The following SLC4A4 variants were observed in gnomAD, a reference collection of about 807,000 sequenced individuals.
The protein encoded by SLC4A4 is electrogenic sodium bicarbonate cotransporter 1.
SLC4A4 carries 27 observed loss-of-function variants against 111.5 expected under a neutral mutation model. The ratio of observed to expected loss-of-function variants is 0.24; its 90% CI spans 0.18 to 0.33. The LOEUF (loss-of-function observed/expected upper bound fraction) is 0.33, where lower values mean the gene tolerates loss of function less well. Ranked by LOEUF, SLC4A4 falls within the 10% of genes least tolerant of loss-of-function variation. The pLI is 1.00. For missense variants in SLC4A4, 909 were observed against 1,315.5 expected (o/e 0.69, Z 4.78); for synonymous variants, 443 against 463.4 (o/e 0.96, Z 0.57).
At chr4:71,339,106 T>C (rs1056656277) in intron 3 of SLC4A4, 88 of 1,603,328 alleles carry the variant, frequency 5.5e-5, no homozygotes, top group Non-Finnish European at 6.8e-5. Context: ...AAAGGTTCTT[T>C]GTGACACATC....
chr4:71,181,452 T>G (rs1345850382), intron 2 of SLC4A4, among the ~76,000 whole-genome samples: 2 of 152,180 alleles, frequency 1.3e-5, no homozygotes, highest in Admixed American at 6.5e-5. Flanking sequence ...AAGCAAATAG[T>G]GCTTTTAATT....
At chr4:71,294,916 A>G (rs549138527) in intron 3 of SLC4A4, among the ~76,000 whole-genome samples, 2 of 152,348 alleles carry the variant, frequency 1.3e-5, no homozygotes, top group African/African-American at 2.4e-5. Flanking sequence ...GTTTTTTCCT[A>G]TGACAAAAAT....
chr4:71,292,730 G>GA (rs1413327685), intron 3 of SLC4A4, among the ~76,000 whole-genome samples: 1 of 150,270 alleles, frequency 6.7e-6, no homozygotes, highest in Non-Finnish European at 1.5e-5. Context: ...AAATAGGCGG[G>GA]AAAAAATGAG....
At chr4:71,097,102 A>G (rs1742580154) in intron 2 of SLC4A4, among the ~76,000 whole-genome samples, 1 of 152,148 alleles carries the variant, frequency 6.6e-6, no homozygotes, top group African/African-American at 2.4e-5. Context: ...GGTTTTTTGT[A>G]CAGATTATTT....
At chr4:71,287,548 A>G (rs1369203788) in intron 3 of SLC4A4, among the ~76,000 whole-genome samples, 1 of 152,198 alleles carries the variant, frequency 6.6e-6, no homozygotes, top group African/African-American at 2.4e-5. Flanking sequence ...TGCCTTTGGC[A>G]GTATAGTCTT....
chr4:71,467,462 T>A (rs964803042), intron 13 of SLC4A4, among the ~76,000 whole-genome samples: 2 of 152,120 alleles, frequency 1.3e-5, no homozygotes, highest in Admixed American at 1.3e-4. Flanking sequence ...CATTTAATTC[T>A]TACAGCAATC....
intron 16 of SLC4A4, among the ~76,000 whole-genome samples, chr4:71,505,198 A>C (rs1327919398): frequency 1.3e-5 from 2 of 152,088 alleles, no homozygotes; most frequent in African/African-American, 4.8e-5. Flanking sequence ...TATATGTATG[A>C]ATGTGTCTTT....
chr4:71,210,540 C>T (rs762350784), intron 1 of SLC4A4, among the ~76,000 whole-genome samples: 11 of 152,120 alleles, frequency 7.2e-5, no homozygotes, highest in Non-Finnish European at 1.5e-4. Flanking sequence ...TCGGTTATTT[C>T]TCACAAAATA....
At chr4:71,419,519 C>T (rs561355849) in intron 7 of SLC4A4, among the ~76,000 whole-genome samples, 112 of 152,370 alleles carry the variant, frequency 7.4e-4, no homozygotes, top group Non-Finnish European at 1.4e-3. Flanking sequence ...ATATAATCTC[C>T]TGGTGCCCCG....
intron 1 of SLC4A4, among the ~76,000 whole-genome samples, chr4:71,091,495 T>C (rs924730250): frequency 6.6e-6 from 1 of 151,034 alleles, no homozygotes; most frequent in Non-Finnish European, 1.5e-5. Context: ...CCTCATGATC[T>C]GCTTGTCTCG....
At chr4:71,109,911 G>A (rs1331151430) in intron 2 of SLC4A4, among the ~76,000 whole-genome samples, 1 of 152,168 alleles carries the variant, frequency 6.6e-6, no homozygotes, top group African/African-American at 2.4e-5. Context: ...TCCCAAAGTT[G>A]TGTGCAAGGT....
chr4:71,180,687 A>T (rs1371960306), intron 2 of SLC4A4, among the ~76,000 whole-genome samples: 3 of 152,244 alleles, frequency 2.0e-5, no homozygotes, highest in Non-Finnish European at 4.4e-5. Context: ...AATCATTAAA[A>T]AGTCAGGAAA....
At position 71,255,363 on chromosome 4, in the gene SLC4A4, G is replaced by A; in HGVS notation, c.217G>A (p.Ala73Thr). 6.2e-7 allele frequency: 1 copy of A among 1,613,586 alleles called. No homozygotes were observed. Among genetic ancestry groups the A allele is most frequent in the South Asian group, 1.1e-5 (1 of 91,086 alleles). Residue 73 changes from alanine (A) to threonine (T), a missense_variant, in exon 3 of 26, where the codon GCT becomes ACT. Physicochemically the swap from Ala to Thr is moderately conservative, Grantham distance 58. Coordinates refer to ENST00000264485, the MANE Select transcript of SLC4A4 (RefSeq NM_001098484.3). The stretch of plus-strand genomic sequence containing the variant: ...CTCTGACAAATCAGATATTGAAAAT[G>A]CTGATGAATCCAGCAGCAGCATCCT... ...NYSDKSDIENADESSSSILKP... is the reference protein window; with the variant it reads ...NYSDKSDIENTDESSSSILKP...
chr4:71,123,861 G>T (rs1372675332), intron 2 of SLC4A4, among the ~76,000 whole-genome samples: 1 of 152,102 alleles, frequency 6.6e-6, no homozygotes, highest in Non-Finnish European at 1.5e-5. Flanking sequence ...TTAAAAATTT[G>T]CTAATTTTGT....
At chr4:71,360,682 C>T (rs747014900) in intron 6 of SLC4A4, among the ~76,000 whole-genome samples, 52 of 152,066 alleles carry the variant, frequency 3.4e-4, no homozygotes, top group Non-Finnish European at 6.5e-4. Context: ...GCTAGCATAA[C>T]CATATGCTAG....
chr4:71,382,923 A>T (rs931053543), intron 6 of SLC4A4, among the ~76,000 whole-genome samples: 1 of 152,190 alleles, frequency 6.6e-6, no homozygotes, highest in Non-Finnish European at 1.5e-5. Context: ...ACTGATTCTG[A>T]TATGAATTTC....
chr4:71,225,790 C>G (rs1425837174), intron 1 of SLC4A4, among the ~76,000 whole-genome samples: 1 of 152,168 alleles, frequency 6.6e-6, no homozygotes, highest in African/African-American at 2.4e-5. Context: ...CATCTGCCTG[C>G]CAATCTGCAT....
At chr4:71,518,649 G>A (rs1732633615) in intron 16 of SLC4A4, among the ~76,000 whole-genome samples, 1 of 152,158 alleles carries the variant, frequency 6.6e-6, no homozygotes, top group Admixed American at 6.5e-5. Context: ...GGGCCATAGA[G>A]TCTGGCCTGG....
intron 2 of SLC4A4, among the ~76,000 whole-genome samples, chr4:71,109,606 C>T (rs1447557633): frequency 6.6e-6 from 1 of 151,544 alleles, no homozygotes; most frequent in African/African-American, 2.4e-5. Flanking sequence ...ACGGTGGCAC[C>T]ATCTCAGCTC....
Sources: allele counts gnomAD v4.1 joint callset (sites outside exome capture counted in the v4.1 genomes callset), GRCh38; gene constraint gnomAD v4.1.1; transcripts MANE v1.5; gene names NCBI Gene and HGNC (gene_info 2026-07-23, HGNC 2026-07-21).